SLC1A6: variants seen among roughly 807,000 people sequenced by gnomAD.
SLC1A6 encodes excitatory amino acid transporter 4.
SLC1A6 carries 15 observed loss-of-function variants against 42.1 expected under a neutral mutation model. That is an observed-to-expected ratio of 0.36 (90% confidence interval 0.24 to 0.55). The LOEUF is 0.55. SLC1A6 is among the 20% of genes least tolerant of loss of function. The pLI is 0.88. For synonymous variants in SLC1A6, 317 were observed against 319.7 expected (o/e 0.99, Z 0.09); for missense variants, 542 against 772.5 (o/e 0.70, Z 3.54).
intron 7 of SLC1A6, among the ~76,000 whole-genome samples, chr19:14,955,315 C>T (rs1000923295): frequency 1.8e-4 from 27 of 152,114 alleles, no homozygotes; most frequent in African/African-American, 5.6e-4. Context: ...TGCAGTGGTT[C>T]GTGCCTGTAA....
At chr19:14,988,433 G>C (rs943102087) in intron 1 of SLC1A6, among the ~76,000 whole-genome samples, 4 of 152,164 alleles carry the variant, frequency 2.6e-5, no homozygotes, top group African/African-American at 9.7e-5. Flanking sequence ...GAAACCTTAT[G>C]TTCAGAAAAC....
At chr19:14,999,952 G>A (rs571788450) in intron 1 of SLC1A6, among the ~76,000 whole-genome samples, 12 of 152,050 alleles carry the variant, frequency 7.9e-5, no homozygotes, top group East Asian at 3.9e-4. Context: ...CCAGTAACTC[G>A]TCATTTAACA....
chr19:14,996,536 T>TCTTCTTCTTCTTCTTCTTCTC, intron 1 of SLC1A6, among the ~76,000 whole-genome samples: 1 of 139,078 alleles, frequency 7.2e-6, no homozygotes, highest in Non-Finnish European at 1.5e-5. Context: ...TCTTTCTTCT[T>TCTTCTTCTTCTTCTTCTTCTC]CTTCTTCTTC....
chr19:14,976,519 AAGTGT>A (rs1265877568), intron 1 of SLC1A6, among the ~76,000 whole-genome samples: 2 of 152,180 alleles, frequency 1.3e-5, no homozygotes, highest in Non-Finnish European at 2.9e-5. Context: ...TTCAGAAGCA[AAGTGT>A]AATACCACAT....
Position 14,952,270 on chromosome 19 carries a change from T to C in SLC1A6, c.1499+658A>G, listed in dbSNP as rs542839542. On this transcript the variant is annotated intron_variant, in intron 9 of 9. Coordinates refer to ENST00000594383, the MANE Select transcript of SLC1A6 (RefSeq NM_005071.3). ...GCCTGGGCAACACAGCAAAACATAA[T>C]CTCAAAAAAAAAAAAAATAACAAAT... 7.8e-3 allele frequency among the ~76,000 whole-genome samples: 466 copies of C among 60,092 alleles called. 3 individuals are homozygous for C. The highest frequency in any genetic ancestry group is 0.011 in the Non-Finnish European group (363 of 33,712). 39.4% of individuals were successfully genotyped at this position (60,092 alleles called of 152,430 possible).
At chr19:14,978,710 A>C (rs2045738114) in intron 1 of SLC1A6, among the ~76,000 whole-genome samples, 1 of 151,670 alleles carries the variant, frequency 6.6e-6, no homozygotes, top group Non-Finnish European at 1.5e-5. Flanking sequence ...ATTCATGTAC[A>C]CCCTCAGGCA....
At chr19:14,992,500 G>A (rs574711240) in intron 1 of SLC1A6, among the ~76,000 whole-genome samples, 2 of 152,098 alleles carry the variant, frequency 1.3e-5, no homozygotes, top group East Asian at 3.9e-4. Context: ...CAGCACTTTG[G>A]GAGGCCGAGG....
intron 2 of SLC1A6, among the ~76,000 whole-genome samples, 189 bp from the exon 3 acceptor site, chr19:14,972,063 A>G (rs1480795800): frequency 1.3e-5 from 2 of 151,158 alleles, no homozygotes; most frequent in Admixed American, 1.3e-4. Context: ...GGGTTACCAT[A>G]TTGATATTGT....
chr19:14,995,613 T>G (rs1448143436), intron 1 of SLC1A6, among the ~76,000 whole-genome samples: 2 of 152,154 alleles, frequency 1.3e-5, no homozygotes, highest in Non-Finnish European at 2.9e-5. Flanking sequence ...GTTAATTGAC[T>G]AGATTTAGTC....
At chr19:14,972,466 G>GT (rs2045652396) in intron 2 of SLC1A6, among the ~76,000 whole-genome samples, 1 of 152,226 alleles carries the variant, frequency 6.6e-6, no homozygotes, top group South Asian at 2.1e-4. Flanking sequence ...ATATATGTGA[G>GT]TGTGTGTGTA....
rs2045597300 is a variant in SLC1A6, at chr19:14,968,341, C to T, written c.510G>A (p.Glu170=). The T allele has an allele frequency of 1.2e-6, 2 of 1,613,726 alleles. No homozygotes were observed. Among genetic ancestry groups the T allele is most frequent in the Admixed American group, 1.7e-5 (1 of 59,982 alleles). The change falls in exon 4 of 10, where the codon GAG becomes GAA. Residue 170 remains glutamate (E), a synonymous_variant. Transcript: ENST00000594383. ...KEGLHREGRI[E]TIPTADAFMD... ...TGAAGGCATCAGCTGTGGGGATGGT[C>T]TCGATCCGGCCCTCCCGGTGCAGCC...
chr19:14,991,590 C>T, intron 1 of SLC1A6, among the ~76,000 whole-genome samples: 1 of 149,392 alleles, frequency 6.7e-6, no homozygotes. Flanking sequence ...CCACTGCACT[C>T]CAGCCTGGGT....
chr19:15,008,080 A>G (rs942866768), intron 1 of SLC1A6, among the ~76,000 whole-genome samples: 1 of 149,700 alleles, frequency 6.7e-6, no homozygotes, highest in African/African-American at 2.5e-5. Flanking sequence ...GCAGTGGCTC[A>G]GGCTTATAAT....
At chr19:14,970,351 A>G (rs989755003) in intron 3 of SLC1A6, among the ~76,000 whole-genome samples, 1 of 152,180 alleles carries the variant, frequency 6.6e-6, no homozygotes, top group Non-Finnish European at 1.5e-5. Flanking sequence ...GATTACAGGC[A>G]TAAGTCACCT....
chr19:14,964,398 C>T (rs200595535), intron 4 of SLC1A6, 37 bp from the exon 5 acceptor site: 27 of 1,581,256 alleles, frequency 1.7e-5, no homozygotes, highest in East Asian at 1.1e-4. Flanking sequence ...AGTGGTTAGA[C>T]CATGGAAGGG....
chr19:14,962,297 T>C lies in SLC1A6; in HGVS notation c.640A>G (p.Thr214Ala). 6.2e-7 allele frequency: 1 copy of C among 1,614,074 alleles called. No homozygotes were observed. Among genetic ancestry groups the C allele is most frequent in the Non-Finnish European group, 8.5e-7 (1 of 1,179,992 alleles). Residue 214 changes from threonine (T) to alanine (A), a missense_variant, in exon 6 of 10, where the codon ACA (threonine) becomes GCA (alanine). Thr to Ala is a moderately conservative substitution (Grantham distance 58). Coordinates refer to ENST00000594383, the MANE Select transcript of SLC1A6 (RefSeq NM_005071.3). ...TRVVTRTMVR[T>A]ENGSEPGASM... ...GCACCCGGCTCAGACCCGTTCTCTGTCCTCACCATGGTCCTGGTTACCACC... is the reference window on the plus strand; with the variant it reads ...GCACCCGGCTCAGACCCGTTCTCTGCCCTCACCATGGTCCTGGTTACCACC...
rs1467714249 is a variant in SLC1A6, at chr19:14,950,162, C to A, written c.*33G>T. 4 of 1,448,896 alleles carry A rather than the reference C, an allele frequency of 2.8e-6. No individual in the cohort carries two copies. The highest frequency in any genetic ancestry group is 3.7e-6 in the Non-Finnish European group (4 of 1,090,830). The allele number at this position is 1,448,896 out of a possible 1,614,324, so 89.8% of individuals were successfully genotyped here. ...AGGACTCCCCTCCCCAGCCCCCTTCCCTCCTCTCTGGGGGGGCAGAGCTGG... is the reference window on the plus strand; with the variant it reads ...AGGACTCCCCTCCCCAGCCCCCTTCACTCCTCTCTGGGGGGGCAGAGCTGG... On this transcript the variant is annotated 3_prime_UTR_variant, in exon 10 of 10. Transcript: ENST00000594383.
intron 1 of SLC1A6, among the ~76,000 whole-genome samples, chr19:15,003,451 C>T (rs1002993510): frequency 1.3e-5 from 2 of 152,094 alleles, no homozygotes; most frequent in African/African-American, 4.8e-5. Context: ...ACCAGAAAAG[C>T]GACCTCATTT....
At chr19:14,969,769 C>T (rs566608429) in intron 3 of SLC1A6, among the ~76,000 whole-genome samples, 1 of 152,342 alleles carries the variant, frequency 6.6e-6, no homozygotes, top group African/African-American at 2.4e-5. Flanking sequence ...ATGCCAAATC[C>T]GGCCCTCTGC....
Sources: gnomAD v4.1 joint callset for allele counts (sites outside exome capture counted in the v4.1 genomes callset) on GRCh38, gnomAD v4.1.1 for gene constraint, MANE v1.5 for transcripts, NCBI Gene and HGNC (gene_info 2026-07-23, HGNC 2026-07-21) for gene names.